The following NDST3 variants were observed in gnomAD, a reference collection of about 807,000 sequenced individuals.
NDST3 encodes the protein bifunctional heparan sulfate N-deacetylase/N-sulfotransferase 3.
NDST3 carries 58 observed loss-of-function variants against 96.1 expected under a neutral mutation model. The ratio of observed to expected loss-of-function variants is 0.60; its 90% CI spans 0.49 to 0.75. NDST3 has a LOEUF of 0.75. Among genes scored for constraint, NDST3 ranks in the 30% least tolerant of loss-of-function variants. The pLI is 0.00. For missense variants in NDST3, 788 were observed against 1,034.2 expected, an observed-to-expected ratio of 0.76 and a Z score of 3.27; for synonymous variants, 333 against 359.7, an observed-to-expected ratio of 0.93 and a Z score of 0.84.
intron 2 of NDST3, among the ~76,000 whole-genome samples, chr4:118,074,512 T>A (rs190229766): frequency 5.3e-5 from 8 of 152,284 alleles, no homozygotes; most frequent in Admixed American, 4.6e-4. Context: ...TCTTTGTCAT[T>A]TTTGATCATT....
intron 3 of NDST3, among the ~76,000 whole-genome samples, chr4:118,107,516 A>T (rs1730296098): frequency 6.6e-6 from 1 of 152,214 alleles, no homozygotes; most frequent in Non-Finnish European, 1.5e-5. Context: ...AAATCAGTGT[A>T]CAGTACAGTG....
At chr4:118,170,136 C>T (rs934419419) in intron 6 of NDST3, among the ~76,000 whole-genome samples, 1 of 152,134 alleles carries the variant, frequency 6.6e-6, no homozygotes, top group Non-Finnish European at 1.5e-5. Flanking sequence ...TAAATTATCT[C>T]TCTTTATAGG....
intron 6 of NDST3, among the ~76,000 whole-genome samples, chr4:118,192,431 C>T (rs1737367514): frequency 6.6e-6 from 1 of 152,262 alleles, no homozygotes; most frequent in South Asian, 2.1e-4. Flanking sequence ...AGGTTTAAGT[C>T]TTTAATCCAT....
chr4:118,106,997 G>A (rs1730244689), intron 3 of NDST3, among the ~76,000 whole-genome samples: 1 of 152,198 alleles, frequency 6.6e-6, no homozygotes, highest in Non-Finnish European at 1.5e-5. Flanking sequence ...GGCTGAGGCA[G>A]GAGAATGGCG....
At chr4:118,197,404 G>C (rs1338288789) in intron 6 of NDST3, among the ~76,000 whole-genome samples, 1 of 137,480 alleles carries the variant, frequency 7.3e-6, no homozygotes, top group Non-Finnish European at 1.6e-5. Context: ...TTGAAAGTGG[G>C]ATGTTGAAAT....
intron 11 of NDST3, 31 bp downstream of exon 11, chr4:118,240,725 A>G (rs1317724982): frequency 1.3e-6 from 2 of 1,584,416 alleles, no homozygotes; most frequent in East Asian, 2.3e-5. Flanking sequence ...ACATCATGTT[A>G]GAATCTCATT....
At chr4:118,194,848 G>A in intron 6 of NDST3, 1 of 309,890 alleles carries the variant, frequency 3.2e-6, no homozygotes, top group Non-Finnish European at 6.0e-6. Flanking sequence ...AGGAGGCCAG[G>A]TGCTGTGGTG....
chr4:118,108,743 A>G (rs540675226), intron 3 of NDST3, among the ~76,000 whole-genome samples: 1 of 152,320 alleles, frequency 6.6e-6, no homozygotes, highest in Admixed American at 6.5e-5. Flanking sequence ...TAATCATACA[A>G]CTACATATAA....
intron 4 of NDST3, among the ~76,000 whole-genome samples, chr4:118,124,918 T>A (rs908250538): frequency 6.6e-6 from 1 of 152,090 alleles, no homozygotes; most frequent in African/African-American, 2.4e-5. Context: ...ACAAAGAATA[T>A]CTCCTTCCTC....
At chr4:118,232,919 A>C in intron 8 of NDST3, 93 bp from the exon 9 acceptor site, 1 of 1,226,132 alleles carries the variant, frequency 8.2e-7, no homozygotes, top group Non-Finnish European at 1.1e-6. Context: ...ATCTGTTTGG[A>C]TCATTCTAAT....
intron 8 of NDST3, 141 bp from the exon 9 acceptor site, chr4:118,232,871 T>G: frequency 2.3e-6 from 2 of 863,692 alleles, no homozygotes; most frequent in East Asian, 2.6e-5. Context: ...AAACTGCCGA[T>G]TATCTATTCA....
chr4:118,155,071 AT>A (rs1347249487), intron 6 of NDST3, among the ~76,000 whole-genome samples: 1 of 152,208 alleles, frequency 6.6e-6, no homozygotes, highest in Non-Finnish European at 1.5e-5. Flanking sequence ...ATCTTAATAC[AT>A]TGTATTGATA....
At chr4:118,219,078 AG>A (rs1258962649) in intron 6 of NDST3, among the ~76,000 whole-genome samples, 1 of 152,198 alleles carries the variant, frequency 6.6e-6, no homozygotes, top group Non-Finnish European at 1.5e-5. Context: ...CCTCATGGAT[AG>A]GAAGAATCAA....
chr4:118,166,099 A>T (rs1052009680), intron 6 of NDST3, among the ~76,000 whole-genome samples: 1 of 151,842 alleles, frequency 6.6e-6, no homozygotes, highest in Non-Finnish European at 1.5e-5. Flanking sequence ...AGAAAATATA[A>T]AAATAAGAGA....
intron 6 of NDST3, among the ~76,000 whole-genome samples, chr4:118,204,915 T>A (rs899420401): frequency 6.9e-6 from 1 of 144,406 alleles, no homozygotes; most frequent in Non-Finnish European, 1.5e-5. Flanking sequence ...AGTGTGAAAT[T>A]AGAGTCAACA....
chr4:118,145,327 T>G (rs1052794753), intron 6 of NDST3, among the ~76,000 whole-genome samples: 1 of 152,240 alleles, frequency 6.6e-6, no homozygotes, highest in Non-Finnish European at 1.5e-5. Flanking sequence ...TGTAAAATTC[T>G]GATGTTTCAC....
intron 1 of NDST3, among the ~76,000 whole-genome samples, chr4:118,039,239 T>G (rs536452642): frequency 7.2e-5 from 11 of 152,330 alleles, no homozygotes; most frequent in African/African-American, 2.4e-4. Context: ...TATGCCTGAT[T>G]TATGGCTCTG....
intron 6 of NDST3, among the ~76,000 whole-genome samples, chr4:118,153,770 G>A (rs1218000068): frequency 1.3e-5 from 2 of 152,112 alleles, no homozygotes; most frequent in Non-Finnish European, 2.9e-5. Flanking sequence ...GTTGCAGTGA[G>A]CCGAAATCGC....
Position 118,240,599 on chromosome 4 carries a change from C to T in NDST3, c.2194C>T (p.Pro732Ser). ...AGTGATCTCAGCAGGGCCCCGTGCA[C>T]CCTCGGAGCTCAGAGCCTTGCAGAA... ...YEVISAGPRAPSELRALQKRC... is the reference protein window; with the variant it reads ...YEVISAGPRASSELRALQKRC... Residue 732 changes from proline to serine, a missense_variant, in exon 11 of 14, where the codon CCC (proline) becomes TCC (serine). By Grantham distance (74) the Pro-to-Ser change is moderately conservative. Transcript: ENST00000296499. 1 of 1,613,880 alleles carries T rather than the reference C, an allele frequency of 6.2e-7. No homozygotes were observed. Among genetic ancestry groups the T allele is most frequent in the Non-Finnish European group, 8.5e-7 (1 of 1,179,906 alleles).
Sources: allele counts gnomAD v4.1 joint callset (sites outside exome capture counted in the v4.1 genomes callset), GRCh38; gene constraint gnomAD v4.1.1; transcripts MANE v1.5; gene names NCBI Gene and HGNC (gene_info 2026-07-23, HGNC 2026-07-21).